Variants in MDGA2 observed in about 807,000 individuals in gnomAD.
MDGA2 encodes the protein MAM domain-containing glycosylphosphatidylinositol anchor protein 2.
Under a neutral mutation model 117.8 loss-of-function variants are expected in MDGA2, and 40 were observed. The observed-to-expected ratio is 0.34, with a 90% confidence interval of 0.26 to 0.44. MDGA2 has a LOEUF of 0.44. Ranked by LOEUF, MDGA2 falls within the 20% of genes least tolerant of loss-of-function variation. MDGA2 has a pLI of 1.00. For missense variants in MDGA2, 1,123 were observed against 1,250.6 expected, an observed-to-expected ratio of 0.90 and a Z score of 1.54; for synonymous variants, 452 against 439.0, an observed-to-expected ratio of 1.03 and a Z score of -0.37.
At chr14:47,637,939 C>T (rs1348472457) in intron 1 of MDGA2, among the ~76,000 whole-genome samples, 1 of 152,148 alleles carries the variant, frequency 6.6e-6, no homozygotes, top group African/African-American at 2.4e-5. Context: ...TGATATGACA[C>T]AACTCTGATT....
At chr14:47,138,948 T>C (rs908240733) in intron 4 of MDGA2, among the ~76,000 whole-genome samples, 9 of 151,996 alleles carry the variant, frequency 5.9e-5, no homozygotes, top group Admixed American at 3.9e-4. Flanking sequence ...TCTGGAAACA[T>C]TGTCTATAAA....
intron 1 of MDGA2, chr14:47,626,296 T>C (rs1365171632): frequency 6.6e-6 from 1 of 152,292 alleles, no homozygotes; most frequent in African/African-American, 2.4e-5. Flanking sequence ...ACAGCCGCCT[T>C]AGGCTCTACC....
chr14:47,172,430 G>A (rs925274005), intron 3 of MDGA2, among the ~76,000 whole-genome samples: 16 of 151,488 alleles, frequency 1.1e-4, no homozygotes, highest in African/African-American at 2.2e-4. Context: ...TCACACGGCC[G>A]GGTACTCCTC....
chr14:47,011,477 T>G (rs773860559), intron 8 of MDGA2, among the ~76,000 whole-genome samples: 2 of 151,946 alleles, frequency 1.3e-5, no homozygotes. Context: ...AGTTGGGTGG[T>G]TCTGTTGAAC....
intron 1 of MDGA2, among the ~76,000 whole-genome samples, chr14:47,649,138 G>C (rs1048036367): frequency 7.2e-5 from 11 of 152,056 alleles, no homozygotes; most frequent in African/African-American, 2.7e-4. Context: ...TAGTGATTAA[G>C]AGTAACTTTA....
chr14:47,212,950 C>T (rs1885939838), intron 3 of MDGA2, among the ~76,000 whole-genome samples: 1 of 152,096 alleles, frequency 6.6e-6, no homozygotes, highest in South Asian at 2.1e-4. Flanking sequence ...GCTTCTGAAG[C>T]TCAATGTATG....
Position 46,971,673 on chromosome 14 carries a change from A to G in MDGA2, c.1820-14030T>C, listed in dbSNP as rs1041348775. 2.6e-5 allele frequency among the ~76,000 whole-genome samples: 4 copies of G among 152,090 alleles called. No homozygotes were observed. In the East Asian group the frequency reaches 5.8e-4, roughly 22 times the overall value. On this transcript the variant is annotated intron_variant, in intron 8 of 16. Coordinates refer to ENST00000399232, the MANE Select transcript of MDGA2 (RefSeq NM_001113498.3). ...ATTAGAGAGAGTATAGTTAGCAACAATGTATTATATAATAAAAATAGCTAA... is the reference window on the plus strand; with the variant it reads ...ATTAGAGAGAGTATAGTTAGCAACAGTGTATTATATAATAAAAATAGCTAA...
chr14:47,016,355 A>AG (rs1888082952), intron 8 of MDGA2, among the ~76,000 whole-genome samples: 1 of 147,066 alleles, frequency 6.8e-6, no homozygotes, highest in Non-Finnish European at 1.5e-5. Context: ...CAAATAATGT[A>AG]GTATCAGTTA....
chr14:47,249,668 G>A (rs190728323), intron 2 of MDGA2, among the ~76,000 whole-genome samples: 2 of 152,166 alleles, frequency 1.3e-5, no homozygotes, highest in South Asian at 2.1e-4. Context: ...ACCTTCTTCA[G>A]AGTTTATTGT....
chr14:47,061,489 G>T lies in MDGA2; in HGVS notation c.1285C>A (p.Gln429Lys). The change falls in exon 7 of 17, where the codon CAA (glutamine) becomes AAA (lysine). Residue 429 changes from glutamine to lysine, a missense_variant. By Grantham distance (53) the Gln-to-Lys change is moderately conservative (BLOSUM62 1). Coordinates refer to ENST00000399232, the MANE Select transcript of MDGA2 (RefSeq NM_001113498.3). ...QIGREVKISC[Q>K]VEAVPSEELT... is the part of the protein sequence containing the mutation. ...TCCTCAGAAGGAACAGCTTCTACTT[G>T]GCAAGATATTTTCACCTCACGGCCA... 4 of 1,613,376 alleles carry T rather than the reference G, an allele frequency of 2.5e-6. No homozygotes were observed. In the South Asian group the frequency reaches 4.4e-5, roughly 18 times the overall value.
intron 2 of MDGA2, among the ~76,000 whole-genome samples, chr14:47,236,579 A>G (rs17652551): frequency 0.14 from 21,746 of 152,230 alleles, 1,820 homozygotes; most frequent in South Asian, 0.27. Context: ...GTCTTCTCAA[A>G]TGCTTCCCTA....
chr14:47,352,810 C>T (rs1266999543), intron 1 of MDGA2, among the ~76,000 whole-genome samples: 1 of 152,116 alleles, frequency 6.6e-6, no homozygotes, highest in African/African-American at 2.4e-5. Flanking sequence ...ACATGCTTTA[C>T]TTTACAATGC....
At chr14:47,066,144 A>G (rs558661783) in intron 6 of MDGA2, among the ~76,000 whole-genome samples, 12 of 152,328 alleles carry the variant, frequency 7.9e-5, no homozygotes, top group African/African-American at 2.6e-4. Context: ...CTGTCCTACT[A>G]TAACTAGGAA....
chr14:47,613,479 T>TCACACACACA lies in MDGA2; in HGVS notation c.280+61028_280+61037dup, dbSNP rs1555336468. Among the ~76,000 whole-genome samples the TCACACACACA allele has an allele frequency of 3.2e-3, 447 of 141,158 alleles. 4 individuals carry two copies. The highest frequency in any genetic ancestry group is 0.011 in the African/African-American group (413 of 36,800). 92.6% of individuals were successfully genotyped at this position (141,158 alleles called of 152,430 possible). A position where few individuals can be genotyped will look rare whatever the true frequency, so the allele number is the denominator to read the frequency against. ...ATTTATCTCTCTCTCTCTCTCTCTC[T>TCACACACACA]CACACACACACACACACACACACAC... On this transcript the variant is annotated intron_variant, in intron 1 of 16. Coordinates refer to ENST00000399232, the MANE Select transcript of MDGA2 (RefSeq NM_001113498.3).
Position 47,579,124 on chromosome 14 carries a change from A to C in MDGA2, c.280+95393T>G, listed in dbSNP as rs185203130. ...AGTTACAATTTGTAAAAATATTGAA[A>C]CATACTAACCTCTTTTCCAAATGAA... On this transcript the variant is annotated intron_variant, in intron 1 of 16. Transcript: ENST00000399232. 8.5e-4 allele frequency among the ~76,000 whole-genome samples: 129 copies of C among 152,264 alleles called. 1 individual carries two copies. Among genetic ancestry groups the C allele is most frequent in the African/African-American group, 3.0e-3 (126 of 41,578 alleles).
chr14:46,864,190 G>T (rs1881631076), intron 14 of MDGA2, among the ~76,000 whole-genome samples: 1 of 151,038 alleles, frequency 6.6e-6, no homozygotes. Context: ...AAAAGTTTTG[G>T]AATGGTAGAA....
intron 2 of MDGA2, among the ~76,000 whole-genome samples, chr14:47,259,224 G>T (rs554031590): frequency 1.3e-5 from 2 of 152,042 alleles, no homozygotes; most frequent in Admixed American, 1.3e-4. Context: ...GATTATAATG[G>T]GTGGGGGAGG....
At chr14:46,992,576 T>C (rs984986769) in intron 8 of MDGA2, among the ~76,000 whole-genome samples, 1 of 152,192 alleles carries the variant, frequency 6.6e-6, no homozygotes, top group Non-Finnish European at 1.5e-5. Flanking sequence ...TAGAATAGTA[T>C]AATGTAGTGA....
At chr14:47,080,090 T>C (rs1445994288) in intron 6 of MDGA2, among the ~76,000 whole-genome samples, 2 of 152,140 alleles carry the variant, frequency 1.3e-5, no homozygotes, top group African/African-American at 4.8e-5. Context: ...ATGAGGAAAG[T>C]ATAGGCAGGT....
Sources: gnomAD v4.1 joint callset for allele counts (sites outside exome capture counted in the v4.1 genomes callset) on GRCh38, gnomAD v4.1.1 for gene constraint, MANE v1.5 for transcripts, NCBI Gene and HGNC (gene_info 2026-07-23, HGNC 2026-07-21) for gene names.